Variants in PAM observed in about 807,000 individuals in gnomAD.
PAM encodes the protein peptidylglycine alpha-amidating monooxygenase.
A neutral mutation model predicts 122.1 loss-of-function variants in PAM; 72 were observed. That is an observed-to-expected ratio of 0.59 (90% CI 0.49 to 0.72). The LOEUF (loss-of-function observed/expected upper bound fraction) is 0.72. Among genes scored for constraint, PAM ranks in the 30% least tolerant of loss-of-function variants. The probability of loss-of-function intolerance (pLI) is 0.00; values close to 1 mark genes in which losing one functional copy is unlikely to be tolerated. For missense variants in PAM, 1,106 were observed against 1,183.7 expected, an observed-to-expected ratio of 0.93 and a Z score of 0.96; for synonymous variants, 389 against 404.4, an observed-to-expected ratio of 0.96 and a Z score of 0.46.
At chr5:102,800,626 A>T (rs935739780) in intron 1 of PAM, among the ~76,000 whole-genome samples, 15 of 152,154 alleles carry the variant, frequency 9.9e-5, no homozygotes, top group Admixed American at 9.2e-4. Flanking sequence ...ACACTGTGCA[A>T]CATTGCTTCC....
chr5:102,823,299 A>G (rs968848060), intron 1 of PAM, among the ~76,000 whole-genome samples: 16 of 152,218 alleles, frequency 1.1e-4, no homozygotes, highest in Non-Finnish European at 2.2e-4. Context: ...TTTACTTAGC[A>G]ACACTGAGTT....
At position 102,925,020 on chromosome 5, in the gene PAM, T is replaced by C; in HGVS notation, c.420T>C (p.Ala140=). 6.3e-7 allele frequency: 1 copy of C among 1,581,590 alleles called. No homozygotes were observed. Among genetic ancestry groups the C allele is most frequent in the Non-Finnish European group, 8.7e-7 (1 of 1,150,250 alleles). ...ANILYAWARN[A]PPTRLPKGVG... is the part of the protein sequence containing the mutation. ...TTCTGTATGCCTGGGCGAGAAATGCTCCCCCTACCCGGCTCCCCAAAGGTA... is the reference window on the plus strand; with the variant it reads ...TTCTGTATGCCTGGGCGAGAAATGCCCCCCCTACCCGGCTCCCCAAAGGTA... The change falls in exon 6 of 26, where the codon GCT becomes GCC. Residue 140 remains alanine (A), a synonymous_variant. Transcript: ENST00000438793.
At chr5:102,792,001 A>G (rs1561458429) in intron 1 of PAM, among the ~76,000 whole-genome samples, 2 of 152,180 alleles carry the variant, frequency 1.3e-5, no homozygotes, top group Non-Finnish European at 2.9e-5. Context: ...TTGTACCCAT[A>G]CTAATAAGGG....
At position 102,949,582 on chromosome 5, in the gene PAM, A is replaced by T; in HGVS notation, c.689A>T (p.His230Leu). ...ISCHYKNYPMHVFAYRVHTHH... is the reference protein window; with the variant it reads ...ISCHYKNYPMLVFAYRVHTHH... The stretch of plus-strand genomic sequence containing the variant: ...TGCCATTATAAAAATTATCCAATGC[A>T]TGTCTTTGCCTATAGAGTTCACACT... The change falls in exon 10 of 26, where the codon CAT becomes CTT. Residue 230 changes from histidine (H) to leucine (L), a missense_variant. His to Leu is a moderately conservative substitution (Grantham distance 99). Around this residue, in one of 3 missense-constraint regions of PAM, gnomAD observed 670 missense variants for 690.3 expected, o/e 0.97. Coordinates refer to ENST00000438793, the MANE Select transcript of PAM (RefSeq NM_001177306.2). The T allele has an allele frequency of 3.2e-6, 5 of 1,549,680 alleles. No individual in the cohort carries two copies. The highest frequency in any genetic ancestry group is 4.5e-6 in the Non-Finnish European group (5 of 1,121,518).
At chr5:102,984,436 A>G (rs750969617) in intron 15 of PAM, among the ~76,000 whole-genome samples, 3 of 152,220 alleles carry the variant, frequency 2.0e-5, no homozygotes, top group Non-Finnish European at 4.4e-5. Flanking sequence ...ACGAGTAGCT[A>G]TAGTTGTATC....
chr5:102,919,685 G>T (rs1179605080), intron 5 of PAM, among the ~76,000 whole-genome samples: 1 of 152,066 alleles, frequency 6.6e-6, no homozygotes, highest in East Asian at 1.9e-4. Context: ...AAAATTAATA[G>T]CATCCATTCC....
At position 102,881,129 on chromosome 5, in the gene PAM, T is replaced by TATACACACACACACACACACACAC. The variant is rs145380302; in HGVS notation, c.210+13737_210+13738insTACACACACACACACACACACACA. On this transcript the variant is annotated intron_variant, in intron 3 of 25. Transcript: ENST00000438793. ...AAAATTAAAAAATAATTTTTATACA[T>TATACACACACACACACACACACAC]ACACACACACACACACACACACACA... 1.9e-3 allele frequency among the ~76,000 whole-genome samples: 276 copies of TATACACACACACACACACACACAC among 145,794 alleles called. 1 individual carries two copies. Among genetic ancestry groups the TATACACACACACACACACACACAC allele is most frequent in the African/African-American group, 7.0e-3 (270 of 38,440 alleles).
chr5:102,975,533 T>A (rs944483393), intron 15 of PAM, among the ~76,000 whole-genome samples: 2 of 152,174 alleles, frequency 1.3e-5, no homozygotes, highest in Non-Finnish European at 2.9e-5. Context: ...AATAAAACTA[T>A]GTTTCTCATG....
At chr5:102,769,816 G>T (rs1351156714) in intron 1 of PAM, among the ~76,000 whole-genome samples, 3 of 152,060 alleles carry the variant, frequency 2.0e-5, no homozygotes, top group Admixed American at 6.6e-5. Flanking sequence ...TTTTGCTCAG[G>T]ATAGCTTTGG....
chr5:102,943,238 C>T (rs969802889), intron 7 of PAM, among the ~76,000 whole-genome samples: 1 of 152,074 alleles, frequency 6.6e-6, no homozygotes, highest in African/African-American at 2.4e-5. Context: ...TTAGGAGAGA[C>T]CAACAGAACC....
intron 1 of PAM, among the ~76,000 whole-genome samples, chr5:102,783,796 A>T (rs1759697303): frequency 6.6e-6 from 1 of 152,192 alleles, no homozygotes; most frequent in South Asian, 2.1e-4. Flanking sequence ...GTCAGGGAGC[A>T]TACCAGCTGG....
upstream of PAM, chr5:102,754,945 CGT>C (rs1749676800): frequency 6.6e-6 from 1 of 152,278 alleles, no homozygotes; most frequent in Non-Finnish European, 1.5e-5. Context: ...CTGGCCCGCG[CGT>C]GAGTTCAGAC....
chr5:102,939,865 T>C (rs1354583182), intron 7 of PAM, among the ~76,000 whole-genome samples: 1 of 152,022 alleles, frequency 6.6e-6, no homozygotes, highest in Non-Finnish European at 1.5e-5. Flanking sequence ...ATGATTGGGT[T>C]GAAAATGTAG....
chr5:102,873,355 C>T (rs994943000), intron 3 of PAM: 1 of 152,126 alleles, frequency 6.6e-6, no homozygotes, highest in African/African-American at 2.4e-5. Flanking sequence ...GCCTTTTGGG[C>T]ACCAGCTGGT....
chr5:102,844,106 G>C (rs1007923496), intron 1 of PAM, among the ~76,000 whole-genome samples: 3 of 152,188 alleles, frequency 2.0e-5, no homozygotes. Flanking sequence ...TCTGTACTAT[G>C]TAAGGAGGCT....
chr5:102,802,033 T>A (rs1422057553), intron 1 of PAM, among the ~76,000 whole-genome samples: 7 of 152,060 alleles, frequency 4.6e-5, no homozygotes, highest in South Asian at 4.2e-4. Flanking sequence ...TCCACCCGCC[T>A]CGGCCTCCCA....
At chr5:102,946,934 C>A (rs144192480) in intron 8 of PAM, 49 bp downstream of exon 8, 12 of 1,237,024 alleles carry the variant, frequency 9.7e-6, no homozygotes, top group South Asian at 1.2e-5. Flanking sequence ...AACATCTTTG[C>A]GAACTTAGAG....
intron 4 of PAM, 60 bp downstream of exon 4, chr5:102,901,473 G>T (rs1797873645): frequency 1.1e-6 from 1 of 919,372 alleles, no homozygotes; most frequent in Non-Finnish European, 1.8e-6. Context: ...TTTGAAATCA[G>T]TGAAAGGTTC....
At chr5:103,025,720 T>TTTTTCAGG (rs1784768259) in intron 24 of PAM, among the ~76,000 whole-genome samples, 1 of 152,070 alleles carries the variant, frequency 6.6e-6, no homozygotes, top group African/African-American at 2.4e-5. Context: ...CCTGGGTCAG[T>TTTTTCAGG]TTTTCAGGTT....
Sources: allele counts gnomAD v4.1 joint callset (sites outside exome capture counted in the v4.1 genomes callset), GRCh38; gene constraint gnomAD v4.1.1; regional missense constraint gnomAD v4.1.1; transcripts MANE v1.5; gene names NCBI Gene and HGNC (gene_info 2026-07-23, HGNC 2026-07-21).